The following ERCC6L2 variants were observed in gnomAD, a reference collection of about 807,000 sequenced individuals.
The protein encoded by ERCC6L2 is DNA excision repair protein ERCC-6-like 2.
ERCC6L2 carries 77 observed loss-of-function variants against 132.0 expected under a neutral mutation model. The ratio of observed to expected loss-of-function variants is 0.58; its 90% CI spans 0.49 to 0.71. ERCC6L2 has a LOEUF of 0.71. Among genes scored for constraint, ERCC6L2 ranks in the 30% least tolerant of loss-of-function variants. The pLI is 0.00. For missense variants in ERCC6L2, 1,542 were observed against 1,837.6 expected, an observed-to-expected ratio of 0.84 and a Z score of 2.94; for synonymous variants, 583 against 632.4, an observed-to-expected ratio of 0.92 and a Z score of 1.17.
intron 17 of ERCC6L2, among the ~76,000 whole-genome samples, chr9:96,003,428 G>T (rs1833756464): frequency 6.6e-6 from 1 of 152,232 alleles, no homozygotes; most frequent in African/African-American, 2.4e-5. Context: ...ACATGGCACT[G>T]GCTGGGCATT....
chr9:95,889,508 A>G (rs1455502803), intron 2 of ERCC6L2, among the ~76,000 whole-genome samples: 2 of 151,930 alleles, frequency 1.3e-5, no homozygotes, highest in Non-Finnish European at 2.9e-5. Flanking sequence ...TAATTCTTTA[A>G]TTAAGGTACA....
rs1348780133 is a variant in ERCC6L2 at position 96,015,999 on chromosome 9, G to T, written c.*2796G>T. Among the ~76,000 whole-genome samples, 7 of 152,152 alleles carry T rather than the reference G, an allele frequency of 4.6e-5. No homozygotes were observed. The highest frequency in any genetic ancestry group is 4.4e-5 in the Non-Finnish European group (3 of 68,036). ...AACTGTCAGGTGGAGTGGACTCCCT[G>T]CAATGGAGTGATGGAAAGATTTGGT... On this transcript the variant is annotated 3_prime_UTR_variant, in exon 19 of 19. Transcript: ENST00000653738.
chr9:95,978,013 A>T (rs1393177754), intron 16 of ERCC6L2, 48 bp from the exon 17 acceptor site: 3 of 1,201,380 alleles, frequency 2.5e-6, no homozygotes, highest in East Asian at 1.1e-4. Context: ...ATGGAACCAT[A>T]TTGCTTTATA....
At chr9:95,985,603 A>C (rs892670091) in intron 17 of ERCC6L2, among the ~76,000 whole-genome samples, 2 of 152,204 alleles carry the variant, frequency 1.3e-5, no homozygotes, top group African/African-American at 4.8e-5. Flanking sequence ...CCTGGAACCC[A>C]TGCATCCTCA....
At chr9:95,935,303 A>G (rs752874965) in intron 11 of ERCC6L2, among the ~76,000 whole-genome samples, 1 of 152,212 alleles carries the variant, frequency 6.6e-6, no homozygotes, top group Non-Finnish European at 1.5e-5. Flanking sequence ...AGAGAATAGC[A>G]TAGGTACCAA....
intron 17 of ERCC6L2, among the ~76,000 whole-genome samples, chr9:96,000,702 G>A (rs964525616): frequency 6.6e-6 from 1 of 152,192 alleles, no homozygotes; most frequent in Non-Finnish European, 1.5e-5. Flanking sequence ...GGGAGGTTGA[G>A]GCAGGAGGAT....
intron 13 of ERCC6L2, among the ~76,000 whole-genome samples, chr9:95,960,932 A>G (rs563168994): frequency 2.2e-4 from 34 of 152,148 alleles, no homozygotes; most frequent in Non-Finnish European, 4.3e-4. Flanking sequence ...AATTCTATCA[A>G]ACACTTAATA....
chr9:95,881,001 A>G lies in ERCC6L2; in HGVS notation c.179A>G (p.Gln60Arg). 6.2e-7 allele frequency: 1 copy of G among 1,614,038 alleles called. No individual in the cohort carries two copies. The highest frequency in any genetic ancestry group is 8.5e-7 in the Non-Finnish European group (1 of 1,179,920). ...GCAGTCGTCTTATATGCAGATTTTC[A>G]AGAAAGGAAAATACCTCTTAAACAG... ...SFAVVLYADF[Q>R]ERKIPLKQLQ... The change falls in exon 2 of 19, where the codon CAA becomes CGA. Residue 60 changes from glutamine (Q) to arginine (R), a missense_variant. Gln to Arg is a conservative substitution (Grantham distance 43). Transcript: ENST00000653738.
chr9:95,997,636 T>C (rs574102210), intron 17 of ERCC6L2, among the ~76,000 whole-genome samples: 56 of 152,346 alleles, frequency 3.7e-4, no homozygotes, highest in African/African-American at 1.3e-3. Context: ...TTTGTGGTGG[T>C]GGTCCAGGAC....
chr9:95,945,602 G>C (rs1054191226), intron 12 of ERCC6L2, among the ~76,000 whole-genome samples: 1 of 152,198 alleles, frequency 6.6e-6, no homozygotes, highest in Non-Finnish European at 1.5e-5. Flanking sequence ...GTAAAGACAG[G>C]CGTAAGAAAT....
In ERCC6L2 at chr9:95,915,170, C is replaced by T. The variant is rs138782171; in HGVS notation, c.789-498C>T. On this transcript the variant is annotated intron_variant, in intron 4 of 18. Coordinates refer to ENST00000653738, the MANE Select transcript of ERCC6L2 (RefSeq NM_020207.7). ...TGAAATCAGCTGTTTCTCCATTCTTCCGTGAGGCTCTCATTCCTTTCAGTA... is the reference window on the plus strand; with the variant it reads ...TGAAATCAGCTGTTTCTCCATTCTTTCGTGAGGCTCTCATTCCTTTCAGTA... 1.0e-3 allele frequency among the ~76,000 whole-genome samples: 159 copies of T among 152,294 alleles called. 2 individuals are homozygous for T. The highest frequency in any genetic ancestry group is 6.8e-3 in the Middle Eastern group (2 of 294).
intron 17 of ERCC6L2, among the ~76,000 whole-genome samples, chr9:95,998,136 C>G (rs555894510): frequency 7.2e-5 from 11 of 151,904 alleles, no homozygotes; most frequent in African/African-American, 2.7e-4. Flanking sequence ...ATGATTAAAG[C>G]CATGGGCTCT....
intron 4 of ERCC6L2, among the ~76,000 whole-genome samples, chr9:95,914,714 A>G (rs118191946): frequency 2.3e-3 from 353 of 152,334 alleles, no homozygotes; most frequent in Non-Finnish European, 4.5e-3. Context: ...GATTTGCAAT[A>G]TAGTCTGTAG....
intron 2 of ERCC6L2, among the ~76,000 whole-genome samples, chr9:95,890,309 C>T (rs990736232): frequency 9.2e-5 from 14 of 152,072 alleles, no homozygotes; most frequent in Non-Finnish European, 1.9e-4. Flanking sequence ...CTATATTTGC[C>T]AGGCTCTATG....
At chr9:95,908,170 C>A (rs1207434284) in intron 4 of ERCC6L2, among the ~76,000 whole-genome samples, 1 of 152,118 alleles carries the variant, frequency 6.6e-6, no homozygotes, top group Non-Finnish European at 1.5e-5. Flanking sequence ...TCTCCTCAAC[C>A]CCCATTCCAC....
At chr9:95,936,876 A>G (rs1376164126) in intron 11 of ERCC6L2, among the ~76,000 whole-genome samples, 1 of 152,188 alleles carries the variant, frequency 6.6e-6, no homozygotes, top group Non-Finnish European at 1.5e-5. Context: ...GGAGTCATAA[A>G]GTATGTAACC....
In ERCC6L2 at chr9:95,876,096, G is replaced by C; in HGVS notation, c.46+12G>C. ...AACCTCAGGCAAAGGTACCAGCTCC[G>C]CGCTCGCCCCTTACGCAGAGGCCTG... On this transcript the variant is annotated intron_variant, in intron 1 of 18. Coordinates refer to ENST00000653738, the MANE Select transcript of ERCC6L2 (RefSeq NM_020207.7). 1 of 1,563,756 alleles carries C rather than the reference G, an allele frequency of 6.4e-7. No homozygotes were observed. Among genetic ancestry groups the C allele is most frequent in the Non-Finnish European group, 8.7e-7 (1 of 1,154,528 alleles).
chr9:95,930,333 A>G (rs1473345918), intron 11 of ERCC6L2, among the ~76,000 whole-genome samples: 2 of 152,180 alleles, frequency 1.3e-5, no homozygotes, highest in East Asian at 1.9e-4. Context: ...AATTTATTTC[A>G]TAAGTCATTA....
intron 19 of ERCC6L2, among the ~76,000 whole-genome samples, chr9:96,036,636 G>C (rs1834521538): frequency 6.6e-6 from 1 of 152,046 alleles, no homozygotes; most frequent in Non-Finnish European, 1.5e-5. Context: ...CACTGACAGT[G>C]CACAAGGGTT....
Sources: allele counts gnomAD v4.1 joint callset (sites outside exome capture counted in the v4.1 genomes callset), GRCh38; gene constraint gnomAD v4.1.1; transcripts MANE v1.5; gene names NCBI Gene and HGNC (gene_info 2026-07-23, HGNC 2026-07-21).